Variants in ESS2 observed in about 807,000 individuals in gnomAD.
ESS2 encodes the protein splicing factor ESS-2 homolog.
Under a neutral mutation model 52.0 loss-of-function variants are expected in ESS2, and 31 were observed. That is an observed-to-expected ratio of 0.60 (90% CI 0.45 to 0.81). The LOEUF (loss-of-function observed/expected upper bound fraction) is 0.81, where lower values mean the gene tolerates loss of function less well. ESS2 is among the 30% of genes least tolerant of loss of function. The probability of loss-of-function intolerance (pLI) is 0.00; values close to 1 mark genes in which losing one functional copy is unlikely to be tolerated. For synonymous variants in ESS2, 285 were observed against 259.2 expected (o/e 1.10, Z -0.95); for missense variants, 602 against 637.2 (o/e 0.94, Z 0.59).
intron 7 of ESS2, chr22:19,137,840 A>G: frequency 1.0e-6 from 1 of 985,380 alleles, no homozygotes; most frequent in Non-Finnish European, 1.2e-6. Context: ...ACACCCACGC[A>G]TGCCACAAGA....
Position 19,139,682 on chromosome 22 carries a change from G to T in ESS2, c.618C>A (p.Ile206=), listed in dbSNP as rs190270077. 1 of 1,614,194 alleles carries T rather than the reference G, an allele frequency of 6.2e-7. No individual in the cohort carries two copies. Among genetic ancestry groups the T allele is most frequent in the South Asian group, 1.1e-5 (1 of 91,076 alleles). ...LELPSAEHQA[I]ESSQASVETW... is the part of the protein sequence containing the mutation. Reference sequence around the variant, plus strand: ...TCTCCACACTGGCCTGGCTGCTCTCGATGGCCTGGTGCTCTGCTGACGGGA... The same window carrying T: ...TCTCCACACTGGCCTGGCTGCTCTCTATGGCCTGGTGCTCTGCTGACGGGA... Residue 206 remains isoleucine (I), a synonymous_variant, in exon 5 of 10, where the codon ATC becomes ATA. Coordinates refer to ENST00000252137, the MANE Select transcript of ESS2 (RefSeq NM_022719.3).
At chr22:19,142,483 C>G (rs1484246267) in intron 3 of ESS2, 55 bp downstream of exon 3, 3 of 1,512,286 alleles carry the variant, frequency 2.0e-6, no homozygotes, top group African/African-American at 1.4e-5. Flanking sequence ...GCCTCACAGG[C>G]TAAGATTCCC....
At position 19,132,774 on chromosome 22, in the gene ESS2, C is replaced by G; in HGVS notation, c.*1422G>C. The G allele has an allele frequency of 2.5e-6, 1 of 396,610 alleles. No homozygotes were observed. The highest frequency in any genetic ancestry group is 2.6e-5 in the South Asian group (1 of 38,184). The allele number at this position is 396,610 out of a possible 1,614,324, so 24.6% of individuals were successfully genotyped here. A position where few individuals can be genotyped will look rare whatever the true frequency, so the allele number is the denominator to read the frequency against. ...CGCCCCACCTGACACACAGTGGTCT[C>G]CGGCCTAGGAGCACAGGACAGATGC... On this transcript the variant is annotated 3_prime_UTR_variant, in exon 10 of 10. Transcript: ENST00000252137. The surrounding 1 kb of genome is among the most constrained non-coding windows in gnomAD (Gnocchi z 4.2).
At chr22:19,143,949 G>C (rs2083739796) in intron 1 of ESS2, 3 of 730,670 alleles carry the variant, frequency 4.1e-6, no homozygotes, top group Non-Finnish European at 5.0e-6. Flanking sequence ...CCTCCAGCCA[G>C]ACCTTGCTCC....
chr22:19,130,521 G>A lies in ESS2; in HGVS notation c.*3675C>T. The A allele has an allele frequency of 2.5e-6, 1 of 395,170 alleles. No individual in the cohort carries two copies. The highest frequency in any genetic ancestry group is 2.1e-5 in the South Asian group (1 of 48,258). The allele number at this position is 395,170 out of a possible 1,614,324, so 24.5% of individuals were successfully genotyped here. On this transcript the variant is annotated 3_prime_UTR_variant, in exon 10 of 10. Coordinates refer to ENST00000252137, the MANE Select transcript of ESS2 (RefSeq NM_022719.3). Reference sequence around the variant, plus strand: ...AAGGGGCCCAGTGCCTTCAAGGCCTGTCTACTGTGGTACCGGAGTGATTAT... The same window carrying A: ...AAGGGGCCCAGTGCCTTCAAGGCCTATCTACTGTGGTACCGGAGTGATTAT...
Position 19,131,825 on chromosome 22 carries a change from T to G in ESS2, c.*2371A>C. ...ACCGGGACCTCAAGTGCGAGAACCT[T>G]CTCCTCGACAAGGACTTCAACATCA... On this transcript the variant is annotated 3_prime_UTR_variant, in exon 10 of 10. Coordinates refer to ENST00000252137, the MANE Select transcript of ESS2 (RefSeq NM_022719.3). The surrounding 1 kb of genome is among the most constrained non-coding windows in gnomAD (Gnocchi z 5.7). The G allele has an allele frequency of 1.2e-6, 2 of 1,613,968 alleles. No homozygotes were observed. The highest frequency in any genetic ancestry group is 1.7e-6 in the Non-Finnish European group (2 of 1,180,006).
In ESS2 at chr22:19,131,275, C is replaced by A; in HGVS notation, c.*2921G>T. The A allele has an allele frequency of 1.3e-6, 1 of 771,730 alleles. No homozygotes were observed. The highest frequency in any genetic ancestry group is 2.6e-5 in the East Asian group (1 of 39,086). The allele number at this position is 771,730 out of a possible 1,614,324, so 47.8% of individuals were successfully genotyped here. ...GGAGACAATGCTGAGTGTTCCACCC[C>A]TGAGTCGAAGCCCAGCCCAGGGCAG... On this transcript the variant is annotated 3_prime_UTR_variant, in exon 10 of 10. Coordinates refer to ENST00000252137, the MANE Select transcript of ESS2 (RefSeq NM_022719.3). This position sits in a 1 kb window ranked among gnomAD's most constrained non-coding sequence, Gnocchi z 5.7.
Position 19,132,335 on chromosome 22 carries a change from C to T in ESS2, c.*1861G>A. 1 of 1,613,010 alleles carries T rather than the reference C, an allele frequency of 6.2e-7. No homozygotes were observed. The highest frequency in any genetic ancestry group is 8.5e-7 in the Non-Finnish European group (1 of 1,179,982). On this transcript the variant is annotated 3_prime_UTR_variant, in exon 10 of 10. Transcript: ENST00000252137. The surrounding 1 kb of genome is among the most constrained non-coding windows in gnomAD (Gnocchi z 4.2). Reference sequence around the variant, plus strand: ...GCTTGAGGCCCGACCACCGGCCCGACCACAAGCTTGGAGCCAAAACCCAGC... The same window carrying T: ...GCTTGAGGCCCGACCACCGGCCCGATCACAAGCTTGGAGCCAAAACCCAGC...
At chr22:19,141,121 GAA>G (rs202201984) in intron 3 of ESS2, among the ~76,000 whole-genome samples, 5 of 131,660 alleles carry the variant, frequency 3.8e-5, no homozygotes, top group Non-Finnish European at 4.9e-5. Context: ...ATCTCTATAG[GAA>G]AAAAAAAAAA....
Position 19,132,507 on chromosome 22 carries a change from G to C in ESS2, c.*1689C>G. 6.4e-7 allele frequency: 1 copy of C among 1,571,906 alleles called. No individual in the cohort carries two copies. Among genetic ancestry groups the C allele is most frequent in the Non-Finnish European group, 8.7e-7 (1 of 1,155,590 alleles). On this transcript the variant is annotated 3_prime_UTR_variant, in exon 10 of 10. Transcript: ENST00000252137. This position sits in a 1 kb window ranked among gnomAD's most constrained non-coding sequence, Gnocchi z 4.2. ...CAATGGCCCCGTTGTGTGTGGTGGGGGTCGGGGTTGGGGGGCATGGTGCAG... is the reference window on the plus strand; with the variant it reads ...CAATGGCCCCGTTGTGTGTGGTGGGCGTCGGGGTTGGGGGGCATGGTGCAG...
rs138079700 is a variant in ESS2 at position 19,132,107 on chromosome 22, G to A, written c.*2089C>T. Reference sequence around the variant, plus strand: ...AGAAGGAGCACCGTGTGGACTTCCCGCGCTCCAAGAACCTGACCTGCGAGT... The same window carrying A: ...AGAAGGAGCACCGTGTGGACTTCCCACGCTCCAAGAACCTGACCTGCGAGT... On this transcript the variant is annotated 3_prime_UTR_variant, in exon 10 of 10. Coordinates refer to ENST00000252137, the MANE Select transcript of ESS2 (RefSeq NM_022719.3). This position sits in a 1 kb window ranked among gnomAD's most constrained non-coding sequence, Gnocchi z 4.2. 4.9e-5 allele frequency: 79 copies of A among 1,612,962 alleles called. No homozygotes were observed. Among genetic ancestry groups the A allele is most frequent in the African/African-American group, 4.7e-4 (35 of 75,010 alleles).
Position 19,131,542 on chromosome 22 carries a change from C to T in ESS2, c.*2654G>A, listed in dbSNP as rs2083506945. On this transcript the variant is annotated 3_prime_UTR_variant, in exon 10 of 10. Transcript: ENST00000252137. This position sits in a 1 kb window ranked among gnomAD's most constrained non-coding sequence, Gnocchi z 5.7. ...GTCAAGATCATCGACCGCAAGAAAA[C>T]ACCTACTGACTTTGTGGAGAGATTC... 5 of 1,614,070 alleles carry T rather than the reference C, an allele frequency of 3.1e-6. No individual in the cohort carries two copies. Among genetic ancestry groups the T allele is most frequent in the African/African-American group, 1.3e-5 (1 of 74,930 alleles).
chr22:19,139,359 C>G, intron 5 of ESS2, 67 bp from the exon 6 acceptor site: 1 of 1,498,290 alleles, frequency 6.7e-7, no homozygotes, highest in Non-Finnish European at 8.9e-7. Context: ...ATGAGGAGCT[C>G]GCTTCTCGGC....
rs781040313 is a variant in ESS2, at chr22:19,130,904, C to T, written c.*3292G>A. On this transcript the variant is annotated 3_prime_UTR_variant, in exon 10 of 10. Transcript: ENST00000252137. ...GTCAGGGACAACTGTCCTACCACACCAAGGACACAGCCCTGGGGGTGCTTT... is the reference window on the plus strand; with the variant it reads ...GTCAGGGACAACTGTCCTACCACACTAAGGACACAGCCCTGGGGGTGCTTT... The T allele has an allele frequency of 5.3e-6, 1 of 189,846 alleles. No homozygotes were observed. Among genetic ancestry groups the T allele is most frequent in the Non-Finnish European group, 1.1e-5 (1 of 91,476 alleles). 11.8% of individuals were successfully genotyped at this position (189,846 alleles called of 1,614,324 possible).
In ESS2 at chr22:19,144,628, C is replaced by T. The variant is rs749850729; in HGVS notation, c.13G>A (p.Gly5Ser). The change falls in exon 1 of 10, where the codon GGC becomes AGC. Residue 5 changes from glycine to serine, a missense_variant. By Grantham distance (56) the Gly-to-Ser change is moderately conservative. Coordinates refer to ENST00000252137, the MANE Select transcript of ESS2 (RefSeq NM_022719.3). ...AGCAACAAGGACGACGCTGATGCGC[C>T]CGGCGTCTCCATCGCTATCCCAGGA... METP[G>S]ASASSLLLPA... 3 of 1,530,702 alleles carry T rather than the reference C, an allele frequency of 2.0e-6. No individual in the cohort carries two copies. The highest frequency in any genetic ancestry group is 5.0e-5 in the East Asian group (2 of 40,112). The allele number at this position is 1,530,702 out of a possible 1,614,324, so 94.8% of individuals were successfully genotyped here. A position where few individuals can be genotyped will look rare whatever the true frequency, so the allele number is the denominator to read the frequency against.
In ESS2 at chr22:19,131,683, A is replaced by G; in HGVS notation, c.*2513T>C. On this transcript the variant is annotated 3_prime_UTR_variant, in exon 10 of 10. Coordinates refer to ENST00000252137, the MANE Select transcript of ESS2 (RefSeq NM_022719.3). The surrounding 1 kb of genome is among the most constrained non-coding windows in gnomAD (Gnocchi z 5.7). ...TACATCATCATGGAGCTTGGCGTCCAGGGCGACCTCCTCGAGTTCATCAAG... is the reference window on the plus strand; with the variant it reads ...TACATCATCATGGAGCTTGGCGTCCGGGGCGACCTCCTCGAGTTCATCAAG... 1 of 1,614,054 alleles carries G rather than the reference A, an allele frequency of 6.2e-7. No individual in the cohort carries two copies. The highest frequency in any genetic ancestry group is 1.3e-5 in the African/African-American group (1 of 75,006).
At chr22:19,141,395 C>T (rs2083683725) in intron 3 of ESS2, among the ~76,000 whole-genome samples, 1 of 152,184 alleles carries the variant, frequency 6.6e-6, no homozygotes, top group Admixed American at 6.5e-5. Context: ...AAAAGAGGGC[C>T]TGACAACGCA....
chr22:19,139,476 A>C (rs572195993), intron 5 of ESS2, 136 bp downstream of exon 5: 64 of 1,217,184 alleles, frequency 5.3e-5, no homozygotes, highest in African/African-American at 7.4e-5. Context: ...CCACCCTTAG[A>C]CAGACCAGTA....
At position 19,135,222 on chromosome 22, in the gene ESS2, G is replaced by A. The variant is rs374056696; in HGVS notation, c.1036-47C>T. 3.6e-5 allele frequency: 53 copies of A among 1,491,090 alleles called. No individual in the cohort carries two copies. The African/African-American group carries it at 5.7e-4, about 16-fold the overall frequency. 92.4% of individuals were successfully genotyped at this position (1,491,090 alleles called of 1,614,324 possible). A position where few individuals can be genotyped will look rare whatever the true frequency, so the allele number is the denominator to read the frequency against. On this transcript the variant is annotated intron_variant, in intron 8 of 9. Transcript: ENST00000252137. ...GGTAGCTGCGCCAGGCCTGCCACAC[G>A]CCAGGCAGCCCCTCACACAGAAAGC...
Sources: allele counts gnomAD v4.1 joint callset (sites outside exome capture counted in the v4.1 genomes callset), GRCh38; gene constraint gnomAD v4.1.1; non-coding constraint Gnocchi (gnomAD v3.1); transcripts MANE v1.5; gene names NCBI Gene and HGNC (gene_info 2026-07-23, HGNC 2026-07-21).